The following UNC80 variants were observed in gnomAD, a reference collection of about 807,000 sequenced individuals.
UNC80 encodes protein unc-80 homolog.
In UNC80, 164 loss-of-function variants were observed where a neutral mutation model predicts 384.6. That is an observed-to-expected ratio of 0.43 (90% CI 0.38 to 0.49). The LOEUF (loss-of-function observed/expected upper bound fraction) is 0.49, where lower values mean the gene tolerates loss of function less well. Among genes scored for constraint, UNC80 ranks in the 20% least tolerant of loss-of-function variants. The pLI, the probability that UNC80 is intolerant of heterozygous loss-of-function variation, is 0.00. For missense variants in UNC80, 3,330 were observed against 4,143.0 expected, an observed-to-expected ratio of 0.80 and a Z score of 5.39; for synonymous variants, 1,486 against 1,527.8, an observed-to-expected ratio of 0.97 and a Z score of 0.64.
intron 31 of UNC80, among the ~76,000 whole-genome samples, chr2:209,915,121 C>T (rs777706634): frequency 2.0e-4 from 31 of 152,024 alleles, no homozygotes; most frequent in Admixed American, 3.9e-4. Context: ...TTAAAGAACA[C>T]CTAGAAGTTA....
chr2:209,830,892 G>T (rs980261810), intron 15 of UNC80, among the ~76,000 whole-genome samples: 11 of 152,136 alleles, frequency 7.2e-5, no homozygotes, highest in Non-Finnish European at 2.9e-5. Flanking sequence ...GCAGTTCTTG[G>T]CAGGACTCTG....
intron 7 of UNC80, among the ~76,000 whole-genome samples, chr2:209,803,087 A>G (rs1048692800): frequency 6.6e-6 from 1 of 152,200 alleles, no homozygotes; most frequent in African/African-American, 2.4e-5. Context: ...TGACACAACC[A>G]CAGGAGTGAT....
At chr2:209,981,949 T>C (rs530286601) in intron 59 of UNC80, among the ~76,000 whole-genome samples, 1 of 152,358 alleles carries the variant, frequency 6.6e-6, no homozygotes, top group Admixed American at 6.5e-5. Context: ...ATTTATTTCA[T>C]GAAGGATGTT....
At chr2:209,818,269 A>G (rs1030591303) in intron 11 of UNC80, among the ~76,000 whole-genome samples, 3 of 152,006 alleles carry the variant, frequency 2.0e-5, no homozygotes, top group African/African-American at 7.2e-5. Context: ...GATTCCCTCT[A>G]TGAGATCTCT....
Position 209,772,096 on chromosome 2 carries a change from G to C in UNC80, c.24G>C (p.Glu8Asp), listed in dbSNP as rs769004783. 9 of 1,549,684 alleles carry C rather than the reference G, an allele frequency of 5.8e-6. No individual in the cohort carries two copies. Among genetic ancestry groups the C allele is most frequent in the Non-Finnish European group, 7.9e-6 (9 of 1,146,438 alleles). Residue 8 changes from glutamate (E) to aspartate (D), a missense_variant, in exon 1 of 65, where the codon GAG becomes GAC. Glu to Asp is a conservative substitution (Grantham distance 45). Around this residue, in one of 8 missense-constraint regions of UNC80, gnomAD observed 86 missense variants for 141.5 expected, o/e 0.61. Transcript: ENST00000673920. ...TTATGGTGAAGAGGAAGAGCTCCGA[G>C]GGCCAGGAGCAGGACGGCGGCCGCG... Reference protein sequence around the residue: MVKRKSSEGQEQDGGRGI... With the variant: MVKRKSSDGQEQDGGRGI...
intron 22 of UNC80, among the ~76,000 whole-genome samples, chr2:209,850,738 A>G (rs1200046970): frequency 1.3e-5 from 2 of 152,102 alleles, no homozygotes; most frequent in African/African-American, 2.4e-5. Context: ...ATCATGTTCA[A>G]TGTGTGTTGA....
chr2:209,891,438 G>A (rs1214484189), intron 26 of UNC80, among the ~76,000 whole-genome samples: 5 of 152,000 alleles, frequency 3.3e-5, no homozygotes, highest in East Asian at 1.9e-4. Flanking sequence ...AATTTAGAAG[G>A]CAGTCTTTTC....
intron 7 of UNC80, among the ~76,000 whole-genome samples, chr2:209,804,406 T>G (rs980037109): frequency 6.6e-6 from 1 of 152,228 alleles, no homozygotes; most frequent in African/African-American, 2.4e-5. Flanking sequence ...CAAAAAAGAT[T>G]GCATGTGTTT....
At chr2:209,869,037 A>C (rs752245912) in intron 22 of UNC80, 2 of 152,206 alleles carry the variant, frequency 1.3e-5, no homozygotes, top group African/African-American at 2.4e-5. Context: ...GTGGTATGCC[A>C]GTGGTGTCAA....
At chr2:209,773,239 T>C in intron 2 of UNC80, 97 bp downstream of exon 2, 1 of 1,034,504 alleles carries the variant, frequency 9.7e-7, no homozygotes, top group Admixed American at 2.2e-5. Context: ...TATATATTAA[T>C]TCACTTGGCA....
intron 36 of UNC80, 63 bp from the exon 37 acceptor site, chr2:209,929,804 CAAAT>C: frequency 1.6e-6 from 2 of 1,229,000 alleles, no homozygotes; most frequent in Non-Finnish European, 2.2e-6. Context: ...TGTAAATTGT[CAAAT>C]ACTTTATCTC....
At chr2:209,935,678 T>C (rs1469429610) in intron 39 of UNC80, 36 bp from the exon 40 acceptor site, 1 of 1,190,790 alleles carries the variant, frequency 8.4e-7, no homozygotes, top group Non-Finnish European at 1.1e-6. Context: ...TTTTCTATAG[T>C]AAAAGTCAGT....
chr2:209,797,409 T>A (rs6733067), intron 7 of UNC80, among the ~76,000 whole-genome samples: 1,947 of 152,214 alleles, frequency 0.013, 42 homozygotes, highest in African/African-American at 0.045. Context: ...CACTTATGAG[T>A]GAGAACATGT....
intron 36 of UNC80, among the ~76,000 whole-genome samples, chr2:209,929,436 G>T (rs914074643): frequency 1.3e-5 from 2 of 151,684 alleles, no homozygotes; most frequent in Non-Finnish European, 2.9e-5. Flanking sequence ...GCACTCATGT[G>T]GACAGAAAAA....
intron 7 of UNC80, among the ~76,000 whole-genome samples, chr2:209,806,021 CT>C: frequency 6.6e-6 from 1 of 152,310 alleles, no homozygotes; most frequent in Non-Finnish European, 1.5e-5. Context: ...TCCTTGTCCA[CT>C]AATTCTGTTT....
intron 48 of UNC80, among the ~76,000 whole-genome samples, chr2:209,954,764 G>T (rs2092336688): frequency 6.6e-6 from 1 of 152,146 alleles, no homozygotes; most frequent in African/African-American, 2.4e-5. Context: ...ATAAACAGCA[G>T]AATGTTATCC....
At chr2:209,974,177 A>G (rs1171657571) in intron 56 of UNC80, among the ~76,000 whole-genome samples, 4 of 152,138 alleles carry the variant, frequency 2.6e-5, no homozygotes, top group African/African-American at 9.7e-5. Context: ...ACACAAACAC[A>G]CTGATGAAAA....
chr2:209,962,909 T>C (rs2092638731), intron 51 of UNC80, among the ~76,000 whole-genome samples: 1 of 152,220 alleles, frequency 6.6e-6, no homozygotes, highest in South Asian at 2.1e-4. Flanking sequence ...GTTCTTAAAT[T>C]ATAAGAATAG....
At chr2:209,982,866 T>C (rs1482499980) in intron 60 of UNC80, 3 of 151,952 alleles carry the variant, frequency 2.0e-5, no homozygotes, top group Non-Finnish European at 2.9e-5. Context: ...AGTTCTATGA[T>C]TCCATGACAA....
Sources: allele counts gnomAD v4.1 joint callset (sites outside exome capture counted in the v4.1 genomes callset), GRCh38; gene constraint gnomAD v4.1.1; regional missense constraint gnomAD v4.1.1; transcripts MANE v1.5; gene names NCBI Gene and HGNC (gene_info 2026-07-23, HGNC 2026-07-21).